The following DLGAP2 variants were observed in gnomAD, a reference collection of about 807,000 sequenced individuals.
The protein encoded by DLGAP2 is DLG associated protein 2, also known as disks large-associated protein 2.
Under a neutral mutation model 100.3 loss-of-function variants are expected in DLGAP2, and 26 were observed. The observed-to-expected ratio is 0.26, with a 90% CI of 0.19 to 0.36. DLGAP2 has a LOEUF of 0.36. Ranked by LOEUF, DLGAP2 falls within the 10% of genes least tolerant of loss-of-function variation. The pLI is 1.00. For synonymous variants in DLGAP2, 886 were observed against 630.1 expected (o/e 1.41, Z -6.08); for missense variants, 1,858 against 1,453.2 (o/e 1.28, Z -4.53).
chr8:1,130,411 A>C (rs1333502291), intron 2 of DLGAP2, among the ~76,000 whole-genome samples: 2 of 152,232 alleles, frequency 1.3e-5, no homozygotes, highest in African/African-American at 4.8e-5. Flanking sequence ...AAAGTAAAAC[A>C]ATATCAACAA....
At chr8:1,512,908 G>T (rs999852289) in intron 4 of DLGAP2, among the ~76,000 whole-genome samples, 2 of 152,380 alleles carry the variant, frequency 1.3e-5, no homozygotes, top group African/African-American at 4.8e-5. Context: ...GCCACCCTGT[G>T]CCATCTGTGT....
intron 2 of DLGAP2, among the ~76,000 whole-genome samples, chr8:1,134,028 G>A: frequency 6.6e-6 from 1 of 151,120 alleles, no homozygotes; most frequent in East Asian, 2.0e-4. Context: ...CCCTGTGGAT[G>A]TTGGTCCCCT....
intron 3 of DLGAP2, chr8:1,368,597 T>C (rs930715346): frequency 6.6e-6 from 1 of 152,222 alleles, no homozygotes; most frequent in African/African-American, 2.4e-5. Flanking sequence ...TAATTAAAAA[T>C]GGATAAAGGC....
At chr8:1,593,526 T>G in intron 6 of DLGAP2, among the ~76,000 whole-genome samples, 1 of 152,012 alleles carries the variant, frequency 6.6e-6, no homozygotes, top group East Asian at 1.9e-4. Context: ...CTCCTGCACC[T>G]TGGGAAAATA....
At chr8:1,516,308 TGAGG>T (rs774532265) in intron 4 of DLGAP2, among the ~76,000 whole-genome samples, 17 of 151,676 alleles carry the variant, frequency 1.1e-4, no homozygotes, top group Admixed American at 5.2e-4. Flanking sequence ...AGTGAGTGAA[TGAGG>T]GAGGGAGGGA....
rs530155328 is a variant in DLGAP2 at position 968,303 on chromosome 8, C to T, written c.73+60337C>T. 6.6e-5 allele frequency among the ~76,000 whole-genome samples: 10 copies of T among 152,266 alleles called. 1 individual carries two copies. The South Asian group carries it at 1.4e-3, about 22-fold the overall frequency. On this transcript the variant is annotated intron_variant, in intron 2 of 14. Coordinates refer to ENST00000637795, the MANE Select transcript of DLGAP2 (RefSeq NM_001346810.2). ...TGCTTTGCTGATTCCTTTCAGCTAC[C>T]GACCCACCTAATTCTCTGAGAACCT...
At chr8:1,307,742 T>C (rs1800522637) in intron 3 of DLGAP2, among the ~76,000 whole-genome samples, 1 of 152,076 alleles carries the variant, frequency 6.6e-6, no homozygotes, top group Non-Finnish European at 1.5e-5. Context: ...CTGAAGACAT[T>C]CCACAAAATG....
intron 8 of DLGAP2, among the ~76,000 whole-genome samples, chr8:1,653,467 G>T (rs920015817): frequency 6.6e-6 from 1 of 152,182 alleles, no homozygotes; most frequent in African/African-American, 2.4e-5. Flanking sequence ...CACAGGTGTC[G>T]TTCATGCTCA....
intron 2 of DLGAP2, among the ~76,000 whole-genome samples, chr8:1,143,727 C>T (rs983730953): frequency 6.6e-6 from 1 of 152,340 alleles, no homozygotes; most frequent in East Asian, 1.9e-4. Flanking sequence ...TGGGTGCCCT[C>T]ACCTTGTTCT....
At chr8:1,267,173 A>T (rs1043791136) in intron 3 of DLGAP2, among the ~76,000 whole-genome samples, 5 of 151,890 alleles carry the variant, frequency 3.3e-5, no homozygotes, top group Non-Finnish European at 2.9e-5. Flanking sequence ...CGGAGCTTGC[A>T]GTGAGCCAAG....
intron 3 of DLGAP2, among the ~76,000 whole-genome samples, chr8:1,355,708 G>A (rs1028963346): frequency 1.3e-5 from 2 of 152,018 alleles, no homozygotes; most frequent in African/African-American, 4.8e-5. Flanking sequence ...ATGCTTGATT[G>A]ACTGGTAGCC....
chr8:881,964 G>T (rs1484587771), intron 1 of DLGAP2, among the ~76,000 whole-genome samples: 1 of 152,164 alleles, frequency 6.6e-6, no homozygotes, highest in Non-Finnish European at 1.5e-5. Context: ...CCCCTGCCAT[G>T]CAAACTCATA....
intron 2 of DLGAP2, among the ~76,000 whole-genome samples, chr8:1,048,885 A>T (rs541472160): frequency 1.3e-5 from 2 of 152,280 alleles, no homozygotes; most frequent in South Asian, 4.2e-4. Flanking sequence ...TATAAATATG[A>T]CTAAGTGATT....
chr8:870,764 G>A lies in DLGAP2; in HGVS notation c.19-37148G>A, dbSNP rs1323497897. 7.9e-5 allele frequency among the ~76,000 whole-genome samples: 12 copies of A among 152,088 alleles called. No homozygotes were observed. In the East Asian group the frequency reaches 9.7e-4, roughly 12 times the overall value. ...CCCCTGGAGTGGGCTGTGGGTCTCC[G>A]CATGTCTTCGTGCCCTGGTGACATC... is the stretch of plus-strand genomic sequence containing the variant. On this transcript the variant is annotated intron_variant, in intron 1 of 14. Transcript: ENST00000637795.
chr8:861,281 G>T (rs868813353), intron 1 of DLGAP2, among the ~76,000 whole-genome samples: 1 of 152,174 alleles, frequency 6.6e-6, no homozygotes, highest in Non-Finnish European at 1.5e-5. Flanking sequence ...TGGGAGCTGC[G>T]TAGGTTAGGT....
At chr8:982,377 C>G (rs1310032025) in intron 2 of DLGAP2, among the ~76,000 whole-genome samples, 1 of 152,184 alleles carries the variant, frequency 6.6e-6, no homozygotes, top group Non-Finnish European at 1.5e-5. Context: ...ATTTTTGTGG[C>G]TTCTTTACTC....
intron 3 of DLGAP2, among the ~76,000 whole-genome samples, chr8:1,412,003 G>T (rs1182207917): frequency 6.6e-6 from 1 of 152,196 alleles, no homozygotes; most frequent in Non-Finnish European, 1.5e-5. Context: ...GGAAGACACA[G>T]ATGCCATGGG....
chr8:1,141,646 A>G (rs528694154), intron 2 of DLGAP2, among the ~76,000 whole-genome samples: 2 of 152,224 alleles, frequency 1.3e-5, no homozygotes, highest in Admixed American at 1.3e-4. Flanking sequence ...AGTATTAGCA[A>G]AAATTTGGAA....
intron 2 of DLGAP2, among the ~76,000 whole-genome samples, chr8:1,172,220 CT>C (rs1404886735): frequency 6.6e-6 from 1 of 152,180 alleles, no homozygotes; most frequent in Non-Finnish European, 1.5e-5. Context: ...CCCCCACTCT[CT>C]TCTGGCTTGT....
Sources: allele counts gnomAD v4.1 joint callset (sites outside exome capture counted in the v4.1 genomes callset), GRCh38; gene constraint gnomAD v4.1.1; transcripts MANE v1.5; gene names NCBI Gene and HGNC (gene_info 2026-07-23, HGNC 2026-07-21).